Variants in TBXAS1 observed in about 807,000 individuals in gnomAD.
TBXAS1 encodes the protein thromboxane A synthase 1, also known as thromboxane-A synthase.
In TBXAS1, 48 loss-of-function variants were observed where a neutral mutation model predicts 60.7. That is an observed-to-expected ratio of 0.79 (90% CI 0.63 to 1.01). TBXAS1 has a LOEUF of 1.01. Ranked by LOEUF, TBXAS1 falls within the 50% of genes least tolerant of loss-of-function variation. TBXAS1 has a pLI of 0.00. For synonymous variants in TBXAS1, 287 were observed against 269.7 expected, an observed-to-expected ratio of 1.06 and a Z score of -0.63; for missense variants, 685 against 686.3, an observed-to-expected ratio of 1.00 and a Z score of 0.02.
At chr7:139,838,326 C>T (rs1799202862) in intron 1 of TBXAS1, among the ~76,000 whole-genome samples, 1 of 152,312 alleles carries the variant, frequency 6.6e-6, no homozygotes, top group African/African-American at 2.4e-5. Flanking sequence ...ATCTCTGTCC[C>T]TCACAATGCC....
chr7:139,826,655 C>T (rs1348905667), upstream of TBXAS1, among the ~76,000 whole-genome samples: 2 of 152,162 alleles, frequency 1.3e-5, no homozygotes, highest in Non-Finnish European at 1.5e-5. Flanking sequence ...GTTTCTTCCT[C>T]TGTAACTTGG....
Position 139,872,274 on chromosome 7 carries a change from CCTCAGACAT to C in TBXAS1, c.131_139del (p.Leu44_His46del). On this transcript the variant is annotated inframe_deletion, in exon 2 of 13. Transcript: ENST00000448866. ...CATTCTCAAGACTGGAGAAGTTAGG[CCTCAGACAT>C]CCCAAGCCTTCTCCTTTCATTGGAA... 1 of 1,614,044 alleles carries C rather than the reference CCTCAGACAT, an allele frequency of 6.2e-7. No individual in the cohort carries two copies. Among genetic ancestry groups the C allele is most frequent in the East Asian group, 2.2e-5 (1 of 44,888 alleles).
chr7:140,015,862 T>C lies in TBXAS1; in HGVS notation c.1364+2T>C, dbSNP rs1316633478. On this transcript the variant is annotated splice_donor_variant, in intron 11 of 12. Transcript: ENST00000448866. LOFTEE classifies it high-confidence loss of function. ...CCCGGAGACCTTCAACCCTGAAAGGTGAGTACTGCCCCTTTTAAAAAGCTC... is the reference window on the plus strand; with the variant it reads ...CCCGGAGACCTTCAACCCTGAAAGGCGAGTACTGCCCCTTTTAAAAAGCTC... 3 of 1,613,612 alleles carry C rather than the reference T, an allele frequency of 1.9e-6. No individual in the cohort carries two copies. The highest frequency in any genetic ancestry group is 2.5e-6 in the Non-Finnish European group (3 of 1,179,992).
At chr7:139,828,992 TA>T (rs1163854215), upstream of TBXAS1, among the ~76,000 whole-genome samples, 21 of 152,332 alleles carry the variant, frequency 1.4e-4, no homozygotes, top group Admixed American at 5.2e-4. Flanking sequence ...GACATAGAGA[TA>T]GATATAGATA....
At chr7:139,837,038 A>G (rs558739332) in intron 1 of TBXAS1, among the ~76,000 whole-genome samples, 2 of 152,236 alleles carry the variant, frequency 1.3e-5, no homozygotes, top group Non-Finnish European at 2.9e-5. Flanking sequence ...TATATAAATG[A>G]CCAACAAACA....
At chr7:139,785,019 A>G (rs1042561810) in intron 3 of TBXAS1, among the ~76,000 whole-genome samples, 2 of 152,100 alleles carry the variant, frequency 1.3e-5, no homozygotes, top group African/African-American at 4.8e-5. Flanking sequence ...AGAACCCCAA[A>G]CCCACTGACT....
rs56982106 is a variant in TBXAS1, at chr7:139,866,839, GA to G, written c.90-5389del. Among the ~76,000 whole-genome samples, 1,152 of 152,134 alleles carry G rather than the reference GA, an allele frequency of 7.6e-3. 20 individuals carry two copies. The highest frequency in any genetic ancestry group is 0.026 in the African/African-American group (1,090 of 41,502). ...AGCAAACATATAAAAAATACACAGTGAAAAAAACCAAGAGAATGACAATATA... is the reference window on the plus strand; with the variant it reads ...AGCAAACATATAAAAAATACACAGTGAAAAAACCAAGAGAATGACAATATA... On this transcript the variant is annotated intron_variant, in intron 1 of 12. Transcript: ENST00000448866.
intron 4 of TBXAS1, among the ~76,000 whole-genome samples, chr7:139,911,580 C>G (rs1805523500): frequency 6.6e-6 from 1 of 152,124 alleles, no homozygotes; most frequent in East Asian, 1.9e-4. Context: ...ATGCTAAAAC[C>G]AAGAGGGTTT....
intron 3 of TBXAS1, among the ~76,000 whole-genome samples, chr7:139,785,861 C>T (rs1797173980): frequency 6.7e-6 from 1 of 148,528 alleles, no homozygotes; most frequent in Admixed American, 6.6e-5. Flanking sequence ...ACATGCCAGC[C>T]TCTGCCCAGA....
chr7:140,007,260 C>T, intron 10 of TBXAS1, 78 bp downstream of exon 10: 1 of 1,318,910 alleles, frequency 7.6e-7, no homozygotes, highest in Non-Finnish European at 1.1e-6. Flanking sequence ...GGTCAGGGCC[C>T]TCCTCCATCA....
chr7:139,868,095 G>C (rs989198817), intron 1 of TBXAS1, among the ~76,000 whole-genome samples: 3 of 152,184 alleles, frequency 2.0e-5, no homozygotes, highest in African/African-American at 7.2e-5. Flanking sequence ...TCCAACTTAA[G>C]TATCCTTGAT....
intron 9 of TBXAS1, chr7:139,962,566 A>G (rs1810459737): frequency 2.9e-6 from 1 of 347,024 alleles, no homozygotes; most frequent in Non-Finnish European, 5.5e-6. Context: ...TGGCTTCCCA[A>G]TATCTGACTT....
chr7:139,881,463 T>C (rs34765434), intron 3 of TBXAS1, among the ~76,000 whole-genome samples: 70,355 of 151,342 alleles, frequency 0.46, 16,685 homozygotes, highest in African/African-American at 0.57. Context: ...TTTCCCCCCC[T>C]CCAGGAGGGT....
intron 4 of TBXAS1, among the ~76,000 whole-genome samples, chr7:139,932,999 G>C (rs915353954): frequency 5.3e-5 from 8 of 152,160 alleles, no homozygotes; most frequent in African/African-American, 1.9e-4. Context: ...TGGGGTTCCA[G>C]TGAGCCACGA....
chr7:139,850,535 G>A (rs1296265072), intron 1 of TBXAS1, among the ~76,000 whole-genome samples: 1 of 152,182 alleles, frequency 6.6e-6, no homozygotes, highest in African/African-American at 2.4e-5. Context: ...ACTTCTGTCA[G>A]TTCTGATGGT....
At chr7:139,978,518 A>G (rs532267429) in intron 9 of TBXAS1, among the ~76,000 whole-genome samples, 6 of 151,980 alleles carry the variant, frequency 3.9e-5, no homozygotes, top group Admixed American at 2.0e-4. Flanking sequence ...TCAAAAAAAA[A>G]AAGAAAGAAA....
At chr7:139,783,069 A>G (rs566012715) in intron 3 of TBXAS1, among the ~76,000 whole-genome samples, 2 of 152,344 alleles carry the variant, frequency 1.3e-5, no homozygotes, top group South Asian at 4.1e-4. Flanking sequence ...ACAAGACATT[A>G]CACTCACAGA....
chr7:139,973,153 C>T (rs539109485), intron 9 of TBXAS1, among the ~76,000 whole-genome samples: 1 of 152,232 alleles, frequency 6.6e-6, no homozygotes, highest in South Asian at 2.1e-4. Flanking sequence ...CCTCGGCCTC[C>T]GAGGAGACCT....
At chr7:139,856,503 C>T (rs1052730580) in intron 1 of TBXAS1, among the ~76,000 whole-genome samples, 2 of 152,118 alleles carry the variant, frequency 1.3e-5, no homozygotes, top group Non-Finnish European at 2.9e-5. Context: ...TTCGGGTGGC[C>T]ATTCCGACAG....
Sources: allele counts gnomAD v4.1 joint callset (sites outside exome capture counted in the v4.1 genomes callset), GRCh38; gene constraint gnomAD v4.1.1; transcripts MANE v1.5; gene names NCBI Gene and HGNC (gene_info 2026-07-23, HGNC 2026-07-21).